Variants in GPALPP1 observed in about 807,000 individuals in gnomAD.
GPALPP1 encodes the protein GPALPP motifs-containing protein 1.
GPALPP1 carries 30 observed loss-of-function variants against 38.9 expected under a neutral mutation model. The observed-to-expected ratio is 0.77, with a 90% CI of 0.58 to 1.05. GPALPP1 has a LOEUF of 1.05. Ranked by LOEUF, GPALPP1 falls within the 50% of genes least tolerant of loss-of-function variation. The pLI is 0.00. For synonymous variants in GPALPP1, 120 were observed against 139.2 expected, an observed-to-expected ratio of 0.86 and a Z score of 0.97; for missense variants, 384 against 408.8, an observed-to-expected ratio of 0.94 and a Z score of 0.52.
chr13:45,006,422 G>T (rs895362112), intron 3 of GPALPP1, 119 bp downstream of exon 3: 14 of 544,394 alleles, frequency 2.6e-5, no homozygotes, highest in African/African-American at 3.9e-5. Flanking sequence ...ATAACATTTT[G>T]AAATGGGTCA....
chr13:45,024,166 T>TGTGCGTGC (rs1378639373), intron 7 of GPALPP1, among the ~76,000 whole-genome samples: 26 of 112,904 alleles, frequency 2.3e-4, no homozygotes, highest in African/African-American at 7.7e-4. Flanking sequence ...TGTGTGTGTG[T>TGTGCGTGC]GTGTGTGTGT....
At chr13:45,000,844 A>G (rs1000759652) in intron 1 of GPALPP1, among the ~76,000 whole-genome samples, 1 of 152,234 alleles carries the variant, frequency 6.6e-6, no homozygotes, top group Non-Finnish European at 1.5e-5. Flanking sequence ...AATCCCATCC[A>G]TGATGCTTGA....
rs1228401777 is a variant in GPALPP1 at position 45,004,285 on chromosome 13, AAAC to A, written c.89-14_89-12del. On this transcript the variant is annotated splice_polypyrimidine_tract_variant and intron_variant, in intron 1 of 7. Coordinates refer to ENST00000379151, the MANE Select transcript of GPALPP1 (RefSeq NM_018559.5). Reference sequence around the variant, plus strand: ...TGAAACAGTAGTGGCTAGTGATGACAAACAACAAGTGTTCTTTAGTTGCAGGAC... The same window carrying A: ...TGAAACAGTAGTGGCTAGTGATGACAAACAAGTGTTCTTTAGTTGCAGGAC... 1.2e-6 allele frequency: 2 copies of A among 1,606,166 alleles called. No homozygotes were observed. Among genetic ancestry groups the A allele is most frequent in the Admixed American group, 1.7e-5 (1 of 58,970 alleles).
In GPALPP1 at chr13:45,015,603, G is replaced by C. The variant is rs1214173338; in HGVS notation, c.705+7G>C. 1.4e-6 allele frequency: 2 copies of C among 1,453,180 alleles called. No homozygotes were observed. The highest frequency in any genetic ancestry group is 9.1e-7 in the Non-Finnish European group (1 of 1,096,772). The allele number at this position is 1,453,180 out of a possible 1,614,324, so 90.0% of individuals were successfully genotyped here. A position where few individuals can be genotyped will look rare whatever the true frequency, so the allele number is the denominator to read the frequency against. On this transcript the variant is annotated splice_region_variant and intron_variant, in intron 6 of 7. Coordinates refer to ENST00000379151, the MANE Select transcript of GPALPP1 (RefSeq NM_018559.5). ...TAGGGAAAGGAAAGCTAAGGTGAGA[G>C]GTTTTGTTTGTTTGTTCATGTATTT...
chr13:45,030,803 G>A (rs1451425612), downstream of GPALPP1: 1 of 152,176 alleles, frequency 6.6e-6, no homozygotes. Flanking sequence ...TAGCAGTACA[G>A]TATATTTTTT....
rs1876078609 is a variant in GPALPP1 at position 45,029,482 on chromosome 13, A to G, written c.*1479A>G. On this transcript the variant is annotated 3_prime_UTR_variant, in exon 8 of 8. Coordinates refer to ENST00000379151, the MANE Select transcript of GPALPP1 (RefSeq NM_018559.5). ...TGGGGAATTATGGGCTTTTCTTCAAATAATTATTTTAAGAGGCTTCCATTC... is the reference window on the plus strand; with the variant it reads ...TGGGGAATTATGGGCTTTTCTTCAAGTAATTATTTTAAGAGGCTTCCATTC... 6.6e-6 allele frequency: 1 copy of G among 152,190 alleles called. No individual in the cohort carries two copies. 9.4% of individuals were successfully genotyped at this position (152,190 alleles called of 1,614,324 possible).
chr13:44,998,176 G>A (rs1263121147), intron 1 of GPALPP1, among the ~76,000 whole-genome samples: 3 of 152,194 alleles, frequency 2.0e-5, no homozygotes, highest in South Asian at 2.1e-4. Flanking sequence ...CAAGCTTTTT[G>A]TCTGCCCTTT....
rs191146909 is a variant in GPALPP1 at position 45,035,586 on chromosome 13, T to G, written c.*2351T>G. The stretch of plus-strand genomic sequence containing the variant: ...TTATTGAGGGTTATTTACATTCTTT[T>G]TAAGAACTGAATAGCACCAGATGAA... On this transcript the variant is annotated 3_prime_UTR_variant, in exon 8 of 8. Coordinates refer to the GPALPP1 transcript ENST00000357537. The G allele has an allele frequency of 5.9e-5, 9 of 152,362 alleles. No homozygotes were observed. The East Asian group carries it at 1.7e-3, about 29-fold the overall frequency. The allele number at this position is 152,362 out of a possible 1,614,324, so 9.4% of individuals were successfully genotyped here.
chr13:45,011,838 A>G (rs926058527), intron 4 of GPALPP1, among the ~76,000 whole-genome samples: 7 of 152,176 alleles, frequency 4.6e-5, no homozygotes, highest in African/African-American at 1.7e-4. Flanking sequence ...CCTTTCTAAC[A>G]AGGGCGTTGA....
chr13:45,023,909 G>A (rs1003861159), intron 7 of GPALPP1, among the ~76,000 whole-genome samples: 28 of 151,890 alleles, frequency 1.8e-4, no homozygotes, highest in African/African-American at 6.8e-4. Flanking sequence ...CTTTGTATTG[G>A]CATCCTGTCT....
intron 7 of GPALPP1, among the ~76,000 whole-genome samples, chr13:45,026,104 AT>A (rs559299769): frequency 3.5e-3 from 518 of 150,002 alleles, no homozygotes; most frequent in Middle Eastern, 3.5e-3. Flanking sequence ...ATATTTGATG[AT>A]TTTTTTTTTA....
Position 45,019,088 on chromosome 13 carries a change from T to TACATA in GPALPP1, c.706-1242_706-1241insACATA, listed in dbSNP as rs1566082194. ...ATATAAATATATACATATAAATATATGTATATATATTTATATATATTTATA... is the reference window on the plus strand; with the variant it reads ...ATATAAATATATACATATAAATATATACATAGTATATATATTTATATATATTTATA... On this transcript the variant is annotated intron_variant, in intron 6 of 7. Transcript: ENST00000379151. Among the ~76,000 whole-genome samples the TACATA allele has an allele frequency of 1.2e-4, 16 of 138,914 alleles. 1 individual carries two copies. In the East Asian group the frequency reaches 2.4e-3, roughly 21 times the overall value. 91.1% of individuals were successfully genotyped at this position (138,914 alleles called of 152,430 possible).
intron 7 of GPALPP1, among the ~76,000 whole-genome samples, chr13:45,023,637 C>A (rs954574973): frequency 6.6e-6 from 1 of 152,178 alleles, no homozygotes; most frequent in South Asian, 2.1e-4. Context: ...AAACTTTGTT[C>A]TCTATTTTCT....
chr13:45,000,061 CTTA>C (rs1202222681), intron 1 of GPALPP1, among the ~76,000 whole-genome samples: 1 of 152,068 alleles, frequency 6.6e-6, no homozygotes, highest in Non-Finnish European at 1.5e-5. Context: ...TCTTCATCTG[CTTA>C]TTATCTTTTT....
Position 45,015,568 on chromosome 13 carries a change from C to T in GPALPP1, c.677C>T (p.Thr226Ile), listed in dbSNP as rs759279965. 5 of 1,563,632 alleles carry T rather than the reference C, an allele frequency of 3.2e-6. No homozygotes were observed. Among genetic ancestry groups the T allele is most frequent in the Non-Finnish European group, 3.5e-6 (4 of 1,156,602 alleles). Reference protein sequence around the residue: ...TSGDRSIWTDTPADRERKAKE... With the variant: ...TSGDRSIWTDIPADRERKAKE... Reference sequence around the variant, plus strand: ...GGAGATCGATCAATCTGGACAGATACTCCAGCTGATAGGGAAAGGAAAGCT... The same window carrying T: ...GGAGATCGATCAATCTGGACAGATATTCCAGCTGATAGGGAAAGGAAAGCT... The change falls in exon 6 of 8, where the codon ACT (threonine) becomes ATT (isoleucine). Residue 226 changes from threonine (T) to isoleucine (I), a missense_variant. By Grantham distance (89) the Thr-to-Ile change is moderately conservative. Coordinates refer to ENST00000379151, the MANE Select transcript of GPALPP1 (RefSeq NM_018559.5).
At chr13:45,015,156 C>T (rs1299337916) in intron 5 of GPALPP1, 73 bp downstream of exon 5, 5 of 964,144 alleles carry the variant, frequency 5.2e-6, no homozygotes, top group East Asian at 5.8e-5. Flanking sequence ...AAACACTAAA[C>T]TATATAACTT....
intron 1 of GPALPP1, among the ~76,000 whole-genome samples, chr13:44,995,200 A>ACACC (rs1555254076): frequency 1.1e-4 from 4 of 34,894 alleles, no homozygotes; most frequent in East Asian, 7.4e-3. Flanking sequence ...ACACACACAC[A>ACACC]CACCCCTTCT....
chr13:45,036,689 A>G (rs901230652), exon 8 of GPALPP1: 11 of 152,250 alleles, frequency 7.2e-5, no homozygotes, highest in South Asian at 2.1e-4. Flanking sequence ...TCACATCTGT[A>G]ATCCCAGCAC....
At chr13:45,008,106 TA>T (rs1256575974) in intron 3 of GPALPP1, among the ~76,000 whole-genome samples, 1 of 152,182 alleles carries the variant, frequency 6.6e-6, no homozygotes, top group Non-Finnish European at 1.5e-5. Context: ...TTGCTCATCT[TA>T]AAAGTGGAGT....
Sources: allele counts gnomAD v4.1 joint callset (sites outside exome capture counted in the v4.1 genomes callset), GRCh38; gene constraint gnomAD v4.1.1; transcripts MANE v1.5; gene names NCBI Gene and HGNC (gene_info 2026-07-23, HGNC 2026-07-21).